Variants in BANP observed in about 807,000 individuals in gnomAD.
The protein encoded by BANP is protein BANP.
In BANP, 11 loss-of-function variants were observed where a neutral mutation model predicts 68.1. The ratio of observed to expected loss-of-function variants is 0.16; its 90% CI spans 0.10 to 0.27. The LOEUF is 0.27. Ranked by LOEUF, BANP falls within the 10% of genes least tolerant of loss-of-function variation. The pLI is 1.00. For missense variants in BANP, 504 were observed against 722.7 expected (o/e 0.70, Z 3.47); for synonymous variants, 329 against 303.2 (o/e 1.09, Z -0.88).
At chr16:88,022,237 C>T (rs939684212) in intron 7 of BANP, among the ~76,000 whole-genome samples, 23 of 152,320 alleles carry the variant, frequency 1.5e-4, no homozygotes, top group African/African-American at 4.3e-4. Flanking sequence ...ATCCACGGCT[C>T]GCTCACGCCT....
chr16:88,001,497 C>G (rs1352762832), intron 4 of BANP, among the ~76,000 whole-genome samples: 1 of 152,242 alleles, frequency 6.6e-6, no homozygotes, highest in Admixed American at 6.5e-5. Context: ...ACTGCATCCT[C>G]CTTAATGTGA....
intron 3 of BANP, among the ~76,000 whole-genome samples, chr16:87,982,123 G>A (rs1476217701): frequency 6.6e-6 from 1 of 152,258 alleles, no homozygotes; most frequent in Non-Finnish European, 1.5e-5. Flanking sequence ...ATGTGGCTCT[G>A]TTAGTAAACA....
In BANP at chr16:88,071,409, C is replaced by T. The variant is rs780148734; in HGVS notation, c.1378-660C>T. On this transcript the variant is annotated intron_variant, in intron 12 of 13. Transcript: ENST00000682872. The surrounding 1 kb of genome is among the most constrained non-coding windows in gnomAD (Gnocchi z 6.5). ...TTACAGGCGATGGGGTCACCAGAGC[C>T]CACCCAGGGGCCTCGCCTGTCCCCC... 3.8e-4 allele frequency: 169 copies of T among 450,254 alleles called. No homozygotes were observed. Among genetic ancestry groups the T allele is most frequent in the Middle Eastern group, 9.9e-4 (3 of 3,036 alleles). The allele number at this position is 450,254 out of a possible 1,614,324, so 27.9% of individuals were successfully genotyped here.
intron 11 of BANP, among the ~76,000 whole-genome samples, chr16:88,040,637 GCT>G (rs1291757681): frequency 6.6e-6 from 1 of 152,164 alleles, no homozygotes. Flanking sequence ...CAGGTCTAGG[GCT>G]CTCTCTTCTC....
chr16:88,054,682 C>T (rs2084524763), intron 11 of BANP, among the ~76,000 whole-genome samples: 1 of 152,240 alleles, frequency 6.6e-6, no homozygotes, highest in South Asian at 2.1e-4. Flanking sequence ...TGGCCTCTCA[C>T]CCTCTTCCTG....
intron 11 of BANP, among the ~76,000 whole-genome samples, chr16:88,052,219 T>A (rs1179106771): frequency 6.6e-6 from 1 of 152,202 alleles, no homozygotes; most frequent in Non-Finnish European, 1.5e-5. Context: ...ATGTAGCATA[T>A]GGACATTCCC....
At chr16:88,010,299 A>G (rs751680406) in intron 6 of BANP, among the ~76,000 whole-genome samples, 11 of 152,252 alleles carry the variant, frequency 7.2e-5, no homozygotes, top group Non-Finnish European at 1.6e-4. Flanking sequence ...TAATTCTTAC[A>G]AAACGTGACT....
At chr16:88,014,375 C>T (rs1165442482) in intron 6 of BANP, among the ~76,000 whole-genome samples, 14 of 151,542 alleles carry the variant, frequency 9.2e-5, no homozygotes, top group African/African-American at 2.4e-4. Context: ...CTGGGGAGGA[C>T]GGAGGTGGTG....
intron 6 of BANP, among the ~76,000 whole-genome samples, chr16:88,016,642 T>G (rs949965548): frequency 1.3e-5 from 2 of 152,080 alleles, no homozygotes; most frequent in Non-Finnish European, 2.9e-5. Context: ...GAAGCTGGAG[T>G]CTCGAAGCTT....
intron 7 of BANP, among the ~76,000 whole-genome samples, chr16:88,022,376 C>T (rs141635645): frequency 9.9e-4 from 151 of 152,304 alleles, no homozygotes; most frequent in Non-Finnish European, 1.7e-3. Flanking sequence ...TGTGGATGGC[C>T]GATCCCCATG....
In BANP at chr16:88,003,042, C is replaced by T. The variant is rs1427422025; in HGVS notation, c.363-1253C>T. On this transcript the variant is annotated intron_variant, in intron 4 of 13. Transcript: ENST00000682872. This position sits in a 1 kb window ranked among gnomAD's most constrained non-coding sequence, Gnocchi z 6.1. ...CAAGCTCGTGCAAGTCAGGTAGCCT[C>T]TCCAGTTCTACATCTCTGAGGAGCA... 6.6e-6 allele frequency among the ~76,000 whole-genome samples: 1 copy of T among 152,174 alleles called. No individual in the cohort carries two copies. Among genetic ancestry groups the T allele is most frequent in the Admixed American group, 6.5e-5 (1 of 15,278 alleles).
chr16:88,047,402 G>T (rs1484365981), intron 11 of BANP, among the ~76,000 whole-genome samples: 1 of 152,206 alleles, frequency 6.6e-6, no homozygotes, highest in Non-Finnish European at 1.5e-5. Flanking sequence ...TCAGTGAATG[G>T]GCCTTGCTCC....
In BANP at chr16:88,024,393, A is replaced by T. The variant is rs189308334; in HGVS notation, c.896-3090A>T. Among the ~76,000 whole-genome samples, 429 of 152,002 alleles carry T rather than the reference A, an allele frequency of 2.8e-3. 2 individuals carry two copies. Among genetic ancestry groups the T allele is most frequent in the African/African-American group, 9.9e-3 (411 of 41,476 alleles). The stretch of plus-strand genomic sequence containing the variant: ...GACATTCCTACTTCATGAGGCTTTT[A>T]AAAAAAAATGTCTGTCAAATAACAT... On this transcript the variant is annotated intron_variant, in intron 7 of 13. Transcript: ENST00000682872.
At chr16:87,979,569 C>T (rs1284763846) in intron 2 of BANP, among the ~76,000 whole-genome samples, 6 of 152,028 alleles carry the variant, frequency 3.9e-5, no homozygotes, top group Admixed American at 6.6e-5. Context: ...ACCAGCAGAG[C>T]GGGGCAGGTG....
chr16:88,041,047 C>A (rs1480223835), intron 11 of BANP, among the ~76,000 whole-genome samples: 1 of 150,888 alleles, frequency 6.6e-6, no homozygotes, highest in Non-Finnish European at 1.5e-5. Flanking sequence ...GGGGCTGGGG[C>A]CTGTGCCCTG....
intron 1 of BANP, among the ~76,000 whole-genome samples, chr16:87,967,962 C>T (rs2060379802): frequency 6.8e-6 from 1 of 147,762 alleles, no homozygotes; most frequent in South Asian, 2.1e-4. Flanking sequence ...CCGTGTTGGT[C>T]AGGCTGGTCT....
intron 11 of BANP, among the ~76,000 whole-genome samples, chr16:88,056,292 G>C (rs1361922696): frequency 6.6e-6 from 1 of 152,232 alleles, no homozygotes; most frequent in Non-Finnish European, 1.5e-5. Context: ...TTTCAGGCTT[G>C]AGTGATGACT....
chr16:87,968,022 G>A (rs2060395532), intron 1 of BANP, among the ~76,000 whole-genome samples: 3 of 151,794 alleles, frequency 2.0e-5, no homozygotes, highest in Middle Eastern at 3.4e-3. Context: ...CCAAAGTGCT[G>A]GGATTACAGG....
chr16:88,044,644 C>T (rs1480827124), intron 11 of BANP, among the ~76,000 whole-genome samples: 2 of 152,184 alleles, frequency 1.3e-5, no homozygotes, highest in Admixed American at 6.5e-5. Context: ...CTGGGACTAT[C>T]GGTGTGCACC....
Sources: allele counts gnomAD v4.1 joint callset (sites outside exome capture counted in the v4.1 genomes callset), GRCh38; gene constraint gnomAD v4.1.1; non-coding constraint Gnocchi (gnomAD v3.1); transcripts MANE v1.5; gene names NCBI Gene and HGNC (gene_info 2026-07-23, HGNC 2026-07-21).